Variants in SMPD1 observed in about 807,000 individuals in gnomAD.
SMPD1 encodes sphingomyelin phosphodiesterase.
A neutral mutation model predicts 49.7 loss-of-function variants in SMPD1; 47 were observed. The observed-to-expected ratio is 0.95, with a 90% confidence interval of 0.75 to 1.21. SMPD1 has a LOEUF of 1.21. Among genes scored for constraint, SMPD1 ranks in the 50% most tolerant of loss-of-function variants. The pLI is 0.00. For synonymous variants in SMPD1, 336 were observed against 339.6 expected (o/e 0.99, Z 0.12); for missense variants, 811 against 822.2 (o/e 0.99, Z 0.17).
Position 6,393,862 on chromosome 11 carries a change from C to T in SMPD1, c.1341-34C>T, listed in dbSNP as rs757117280. 4.3e-5 allele frequency: 69 copies of T among 1,613,876 alleles called. No homozygotes were observed. The South Asian group carries it at 7.4e-4, about 17-fold the overall frequency. On this transcript the variant is annotated intron_variant, in intron 4 of 5. Coordinates refer to ENST00000342245, the MANE Select transcript of SMPD1 (RefSeq NM_000543.5). ...TCCCCAGATGTCTTCCTACCCCTCC[C>T]TAGAATCTTCTGAATGTAGTACCTT... is the stretch of plus-strand genomic sequence containing the variant.
At chr11:6,392,328 G>GT in intron 2 of SMPD1, 172 bp downstream of exon 2, 11 of 548,400 alleles carry the variant, frequency 2.0e-5, no homozygotes, top group South Asian at 7.7e-5. Flanking sequence ...GCCGCACCAG[G>GT]CTTTTTTTTT....
At chr11:6,392,303 C>A in intron 2 of SMPD1, 147 bp downstream of exon 2, 1 of 781,230 alleles carries the variant, frequency 1.3e-6, no homozygotes, top group Non-Finnish European at 2.1e-6. Flanking sequence ...CTCCTCCTTC[C>A]CTTTCTACTG....
Position 6,391,794 on chromosome 11 carries a change from C to T in SMPD1, c.729C>T (p.Ala243=), listed in dbSNP as rs149476159. ...SGLPPASRPG[A]GYWGEYSKCD... Reference sequence around the variant, plus strand: ...TGCCGCCCGCATCCCGGCCAGGTGCCGGATACTGGGGCGAATACAGCAAGT... The same window carrying T: ...TGCCGCCCGCATCCCGGCCAGGTGCTGGATACTGGGGCGAATACAGCAAGT... The change falls in exon 2 of 6, where the codon GCC becomes GCT. Residue 243 remains alanine (A), a synonymous_variant. Coordinates refer to ENST00000342245, the MANE Select transcript of SMPD1 (RefSeq NM_000543.5). The T allele has an allele frequency of 1.1e-4, 178 of 1,612,436 alleles. No individual in the cohort carries two copies. Among genetic ancestry groups the T allele is most frequent in the Non-Finnish European group, 1.4e-4 (160 of 1,180,038 alleles).
chr11:6,391,766 G>T lies in SMPD1; in HGVS notation c.701G>T (p.Gly234Val). ...CCACTGTGCTGCCGCCGGGGTTCTG[G>T]CCTGCCGCCCGCATCCCGGCCAGGT... The part of the protein sequence containing the change: ...ADPLCCRRGS[G>V]LPPASRPGAG... Residue 234 changes from glycine (G) to valine (V), a missense_variant, in exon 2 of 6, where the codon GGC becomes GTC. Coordinates refer to ENST00000342245, the MANE Select transcript of SMPD1 (RefSeq NM_000543.5). 6.2e-7 allele frequency: 1 copy of T among 1,612,122 alleles called. No individual in the cohort carries two copies.
In SMPD1 at chr11:6,393,240, C is replaced by T. The variant is rs1345866582; in HGVS notation, c.1116C>T (p.Ser372=). The change falls in exon 3 of 6, where the codon TCC becomes TCT. Residue 372 remains serine, a synonymous_variant. Coordinates refer to ENST00000342245, the MANE Select transcript of SMPD1 (RefSeq NM_000543.5). Reference sequence around the variant, plus strand: ...GAATTGGGGGGTTCTATGCTCTTTCCCCATACCCCGGTCTCCGCCTCATCT... The same window carrying T: ...GAATTGGGGGGTTCTATGCTCTTTCTCCATACCCCGGTCTCCGCCTCATCT... ...TLRIGGFYAL[S]PYPGLRLISL... 1.2e-6 allele frequency: 2 copies of T among 1,613,950 alleles called. No individual in the cohort carries two copies. Among genetic ancestry groups the T allele is most frequent in the Non-Finnish European group, 1.7e-6 (2 of 1,179,860 alleles).
Position 6,390,532 on chromosome 11 carries a change from G to T in SMPD1, c.-67G>T. ...TCCCCGGCGCCGCCCGGGGCCCTGAGGGCTGGCTAGGGTCCAGGCCGGGGG... is the reference window on the plus strand; with the variant it reads ...TCCCCGGCGCCGCCCGGGGCCCTGATGGCTGGCTAGGGTCCAGGCCGGGGG... On this transcript the variant is annotated 5_prime_UTR_variant, in exon 1 of 6. The change creates a new upstream start codon in the 5' untranslated region. Coordinates refer to ENST00000342245, the MANE Select transcript of SMPD1 (RefSeq NM_000543.5). The T allele has an allele frequency of 6.4e-7, 1 of 1,574,384 alleles. No individual in the cohort carries two copies. Among genetic ancestry groups the T allele is most frequent in the East Asian group, 2.3e-5 (1 of 43,350 alleles).
Position 6,394,539 on chromosome 11 carries a change from C to CA in SMPD1, c.1828_1829insA (p.Arg610GlnfsTer36). On this transcript the variant is annotated frameshift_variant, in exon 6 of 6. Transcript: ENST00000342245. LOFTEE classifies it low-confidence loss of function (END_TRUNC). ...CCGTGCTGACAGCCCTGCTCTGTGC[C>CA]GCCACCTGATGCCAGATGGGAGCCT... 1 of 1,609,102 alleles carries CA rather than the reference C, an allele frequency of 6.2e-7. No individual in the cohort carries two copies.
At chr11:6,393,162 C>T in intron 2 of SMPD1, 54 bp from the exon 3 acceptor site, 1 of 1,524,280 alleles carries the variant, frequency 6.6e-7, no homozygotes, top group Non-Finnish European at 9.1e-7. Context: ...ATGCCCAGCA[C>T]AGGAGGACCA....
In SMPD1 at chr11:6,394,482, C is replaced by T. The variant is rs375570126; in HGVS notation, c.1771C>T (p.Arg591Cys). ...CTCGGAGCCCTGTGGCACGCCCTGC[C>T]GTCTGGCTACTCTTTGTGCCCAGCT... ...PPSEPCGTPCRLATLCAQLSA... is the reference protein window; with the variant it reads ...PPSEPCGTPCCLATLCAQLSA... The change falls in exon 6 of 6, where the codon CGT (arginine) becomes TGT (cysteine). Residue 591 changes from arginine to cysteine, a missense_variant. Coordinates refer to ENST00000342245, the MANE Select transcript of SMPD1 (RefSeq NM_000543.5). 1.3e-5 allele frequency: 21 copies of T among 1,613,780 alleles called. No homozygotes were observed. The highest frequency in any genetic ancestry group is 8.0e-5 in the African/African-American group (6 of 74,938).
chr11:6,392,294 T>G (rs2134013895), intron 2 of SMPD1, 138 bp downstream of exon 2: 2 of 780,384 alleles, frequency 2.6e-6, no homozygotes, highest in African/African-American at 1.8e-5. Context: ...CTAATCTGAC[T>G]CCTCCTTCCC....
In SMPD1 at chr11:6,390,732, TGGCG is replaced by T. The variant is rs1464153315; in HGVS notation, c.135_138del (p.Ala46TrpfsTer30). The stretch of plus-strand genomic sequence containing the variant: ...CTGGCGCTGGCGCTGGCGCTGGCGC[TGGCG>T]CTGGCTCTGTCTGACTCTCGGGTTC... On this transcript the variant is annotated frameshift_variant, in exon 1 of 6. Coordinates refer to ENST00000342245, the MANE Select transcript of SMPD1 (RefSeq NM_000543.5). LOFTEE classifies it high-confidence loss of function. 1.2e-6 allele frequency: 2 copies of T among 1,609,978 alleles called. No homozygotes were observed. The highest frequency in any genetic ancestry group is 1.1e-5 in the South Asian group (1 of 90,976).
Position 6,391,811 on chromosome 11 carries a change from A to C in SMPD1, c.746A>C (p.Tyr249Ser). ...CCAGGTGCCGGATACTGGGGCGAAT[A>C]CAGCAAGTGTGACCTGCCCCTGAGG... The part of the protein sequence containing the change: ...SRPGAGYWGE[Y>S]SKCDLPLRTL... Residue 249 changes from tyrosine (Y) to serine (S), a missense_variant, in exon 2 of 6, where the codon TAC becomes TCC. By Grantham distance (144) the Tyr-to-Ser change is moderately radical. Transcript: ENST00000342245. The C allele has an allele frequency of 6.2e-7, 1 of 1,613,170 alleles. No homozygotes were observed. Among genetic ancestry groups the C allele is most frequent in the East Asian group, 2.2e-5 (1 of 44,886 alleles).
In SMPD1 at chr11:6,393,918, C is replaced by T. The variant is rs2134021058; in HGVS notation, c.1363C>T (p.Gln455Ter). 1.2e-6 allele frequency: 2 copies of T among 1,614,188 alleles called. No homozygotes were observed. The highest frequency in any genetic ancestry group is 8.5e-7 in the Non-Finnish European group (1 of 1,180,030). The stretch of plus-strand genomic sequence containing the variant: ...CAGGTATGAGAACACCCTGGCTGCT[C>T]AGTTCTTTGGCCACACTCATGTGGA... ...VARYENTLAA[Q>*]FFGHTHVDEF... The change falls in exon 5 of 6, where the codon CAG becomes TAG. Residue 455 changes from glutamine to a stop codon, truncating the protein, a stop_gained. Coordinates refer to ENST00000342245, the MANE Select transcript of SMPD1 (RefSeq NM_000543.5). LOFTEE classifies it high-confidence loss of function.
At chr11:6,393,550 C>T (rs1848036375) in intron 3 of SMPD1, 67 bp from the exon 4 acceptor site, 19 of 1,433,830 alleles carry the variant, frequency 1.3e-5, no homozygotes, top group Non-Finnish European at 1.8e-5. Context: ...TTCAGTCCCC[C>T]TTTCTCTAGC....
At position 6,390,726 on chromosome 11, in the gene SMPD1, T is replaced by A; in HGVS notation, c.128T>A (p.Leu43Gln). ...CTGGTGCTGGCGCTGGCGCTGGCGC[T>A]GGCGCTGGCGCTGGCTCTGTCTGAC... ...MGLVLALALALALALALSDSR... is the reference protein window; with the variant it reads ...MGLVLALALAQALALALSDSR... The change falls in exon 1 of 6, where the codon CTG (leucine) becomes CAG (glutamine). Residue 43 changes from leucine to glutamine, a missense_variant. By Grantham distance (113) the Leu-to-Gln change is moderately radical. Coordinates refer to ENST00000342245, the MANE Select transcript of SMPD1 (RefSeq NM_000543.5). 6.2e-7 allele frequency: 1 copy of A among 1,611,178 alleles called. No homozygotes were observed. Among genetic ancestry groups the A allele is most frequent in the Non-Finnish European group, 8.5e-7 (1 of 1,178,282 alleles).
intron 3 of SMPD1, 35 bp downstream of exon 3, chr11:6,393,422 G>A: frequency 6.3e-7 from 1 of 1,596,760 alleles, no homozygotes; most frequent in Non-Finnish European, 8.6e-7. Flanking sequence ...GTGGTGCTGG[G>A]GGACAAGCAG....
Position 6,393,257 on chromosome 11 carries a change from G to T in SMPD1, c.1133G>T (p.Arg378Leu). 6.2e-7 allele frequency: 1 copy of T among 1,613,926 alleles called. No individual in the cohort carries two copies. Among genetic ancestry groups the T allele is most frequent in the Non-Finnish European group, 8.5e-7 (1 of 1,179,852 alleles). Residue 378 changes from arginine (R) to leucine (L), a missense_variant, in exon 3 of 6, where the codon CGC becomes CTC. Coordinates refer to ENST00000342245, the MANE Select transcript of SMPD1 (RefSeq NM_000543.5). The stretch of plus-strand genomic sequence containing the variant: ...GCTCTTTCCCCATACCCCGGTCTCC[G>T]CCTCATCTCTCTCAATATGAATTTT... ...FYALSPYPGL[R>L]LISLNMNFCS...
At chr11:6,393,417 G>C in intron 3 of SMPD1, 30 bp downstream of exon 3, 1 of 1,601,270 alleles carries the variant, frequency 6.2e-7, no homozygotes, top group Non-Finnish European at 8.5e-7. Flanking sequence ...ACACGGTGGT[G>C]CTGGGGGACA....
At position 6,393,068 on chromosome 11, in the gene SMPD1, A is replaced by G. The variant is rs1423107174; in HGVS notation, c.1092-148A>G. On this transcript the variant is annotated intron_variant, in intron 2 of 5. Transcript: ENST00000342245. ...GTCTTTTGTGTCACACAGACCCAAT[A>G]ATTAGAACTGTTTGGTCTCTGGCTA... The G allele has an allele frequency of 1.5e-5, 10 of 671,388 alleles. 2 individuals are homozygous for G. The highest frequency in any genetic ancestry group is 7.7e-4 in the Middle Eastern group (2 of 2,604). 41.6% of individuals were successfully genotyped at this position (671,388 alleles called of 1,614,324 possible). A position where few individuals can be genotyped will look rare whatever the true frequency, so the allele number is the denominator to read the frequency against.
Sources: allele counts gnomAD v4.1 joint callset, GRCh38; gene constraint gnomAD v4.1.1; transcripts MANE v1.5; gene names NCBI Gene and HGNC (gene_info 2026-07-23, HGNC 2026-07-21).